Variants in KRT20 observed in about 807,000 individuals in gnomAD.
The protein encoded by KRT20 is keratin 20.
In KRT20, 41 loss-of-function variants were observed where a neutral mutation model predicts 43.0. That is an observed-to-expected ratio of 0.95 (90% CI 0.74 to 1.24). The LOEUF is 1.24. KRT20 is among the 50% of genes most tolerant of loss of function. The pLI, the probability that KRT20 is intolerant of heterozygous loss-of-function variation, is 0.00. For missense variants in KRT20, 533 were observed against 521.2 expected (o/e 1.02, Z -0.22); for synonymous variants, 207 against 200.6 (o/e 1.03, Z -0.27).
chr17:40,877,306 C>T, intron 7 of KRT20, 74 bp downstream of exon 7: 1 of 1,046,460 alleles, frequency 9.6e-7, no homozygotes, highest in Non-Finnish European at 1.4e-6. Flanking sequence ...CCTCACTTTA[C>T]TTTTTATCAG....
At chr17:40,882,447 G>C in intron 2 of KRT20, 125 bp downstream of exon 2, 1 of 377,378 alleles carries the variant, frequency 2.6e-6, no homozygotes, top group Non-Finnish European at 4.9e-6. Flanking sequence ...CCTCCTTTAG[G>C]CTTCAGGATT....
At position 40,878,150 on chromosome 17, in the gene KRT20, G is replaced by A. The variant is rs35896697; in HGVS notation, c.1134C>T (p.Asp378=). The change falls in exon 6 of 8, where the codon GAC becomes GAT. Residue 378 remains aspartate (D), a synonymous_variant. Coordinates refer to ENST00000167588, the MANE Select transcript of KRT20 (RefSeq NM_019010.3). ...CTTGATTCTAAGAGCCTTACTTTAC[G>A]TCTTCTCCTTCCAGAAGGCGGCGGT... ...ATYRRLLEGE[D]VKTTEYQLST... is the part of the protein sequence containing the mutation. 2,080 of 1,612,940 alleles carry A rather than the reference G, an allele frequency of 1.3e-3. 21 individuals carry two copies. In the African/African-American group the frequency reaches 0.024, roughly 19 times the overall value.
Position 40,884,916 on chromosome 17 carries a change from G to A in KRT20, c.270C>T (p.Thr90=), listed in dbSNP as rs1183432612. ...CAAGTTTGGAGTTGGACTGCTCCAG[G>A]GTCCGCACCTTTTCTAGGTAGCTCG... ...RLASYLEKVR[T]LEQSNSKLEV... Residue 90 remains threonine (T), a synonymous_variant, in exon 1 of 8, where the codon ACC becomes ACT. Coordinates refer to ENST00000167588, the MANE Select transcript of KRT20 (RefSeq NM_019010.3). The A allele has an allele frequency of 1.9e-6, 3 of 1,614,192 alleles. No individual in the cohort carries two copies. Among genetic ancestry groups the A allele is most frequent in the East Asian group, 4.5e-5 (2 of 44,886 alleles).
intron 1 of KRT20, 45 bp downstream of exon 1, chr17:40,884,751 C>A: frequency 6.4e-7 from 1 of 1,568,906 alleles, no homozygotes; most frequent in Admixed American, 1.8e-5. Context: ...CTTGATTTAT[C>A]TTGAAGCTAA....
At chr17:40,882,518 G>T in intron 2 of KRT20, 54 bp downstream of exon 2, 3 of 871,024 alleles carry the variant, frequency 3.4e-6, no homozygotes, top group South Asian at 3.5e-5. Flanking sequence ...TATCTGGAAG[G>T]ACTACTAAAG....
Position 40,885,021 on chromosome 17 carries a change from A to G in KRT20, c.165T>C (p.Tyr55=), listed in dbSNP as rs1907747395. 6.2e-7 allele frequency: 1 copy of G among 1,614,106 alleles called. No homozygotes were observed. The highest frequency in any genetic ancestry group is 8.5e-7 in the Non-Finnish European group (1 of 1,180,028). Residue 55 remains tyrosine, a synonymous_variant, in exon 1 of 8, where the codon TAT becomes TAC. Coordinates refer to ENST00000167588, the MANE Select transcript of KRT20 (RefSeq NM_019010.3). ...CCCCGCCGCCTGTGAGATCGCTCCCATAGTTCACCGTGTGTCTGGAGTTGG... is the reference window on the plus strand; with the variant it reads ...CCCCGCCGCCTGTGAGATCGCTCCCGTAGTTCACCGTGTGTCTGGAGTTGG... ...RISNSRHTVN[Y]GSDLTGGGDL...
In KRT20 at chr17:40,876,404, T is replaced by A; in HGVS notation, c.1232A>T (p.Lys411Met). The change falls in exon 8 of 8, where the codon AAG becomes ATG. Residue 411 changes from lysine to methionine, a missense_variant. Lys to Met is a moderately conservative substitution (Grantham distance 95, BLOSUM62 -1). Coordinates refer to ENST00000167588, the MANE Select transcript of KRT20 (RefSeq NM_019010.3). Reference sequence around the variant, plus strand: ...CTCTTTGACTTCAGATGACACGACCTTGCCATCCACTACTTCTTGCACGAC... The same window carrying A: ...CTCTTTGACTTCAGATGACACGACCATGCCATCCACTACTTCTTGCACGAC... ...KTVVQEVVDG[K>M]VVSSEVKEVE... is the part of the protein sequence containing the mutation. 6.2e-7 allele frequency: 1 copy of A among 1,613,434 alleles called. No individual in the cohort carries two copies. The highest frequency in any genetic ancestry group is 1.3e-5 in the African/African-American group (1 of 75,032).
At position 40,885,196 on chromosome 17, in the gene KRT20, A is replaced by G. The variant is rs1907764025; in HGVS notation, c.-11T>C. ...GCGACTGAAATCCATTGGAGATTCCAGGAGGGAGCACCTGTAGCTTCAGGA... is the reference window on the plus strand; with the variant it reads ...GCGACTGAAATCCATTGGAGATTCCGGGAGGGAGCACCTGTAGCTTCAGGA... On this transcript the variant is annotated 5_prime_UTR_variant, in exon 1 of 8. Coordinates refer to ENST00000167588, the MANE Select transcript of KRT20 (RefSeq NM_019010.3). 1 of 1,584,662 alleles carries G rather than the reference A, an allele frequency of 6.3e-7. No homozygotes were observed. Among genetic ancestry groups the G allele is most frequent in the South Asian group, 1.1e-5 (1 of 89,444 alleles).
intron 7 of KRT20, among the ~76,000 whole-genome samples, chr17:40,876,781 T>C (rs1333051828): frequency 6.6e-6 from 1 of 152,122 alleles, no homozygotes; most frequent in Non-Finnish European, 1.5e-5. Flanking sequence ...GCCAAGAAAA[T>C]CACCCCATTC....
In KRT20 at chr17:40,884,855, G is replaced by A. The variant is rs200267938; in HGVS notation, c.331C>T (p.Pro111Ser). The change falls in exon 1 of 8, where the codon CCG (proline) becomes TCG (serine). Residue 111 changes from proline (P) to serine (S), a missense_variant. Transcript: ENST00000167588. Reference protein sequence around the residue: ...QIKQWYETNAPRAGRDYSAYY... With the variant: ...QIKQWYETNASRAGRDYSAYY... ...GCACTGTAGTCGCGACCAGCCCTCGGGGCGTTGGTTTCGTACCACTGCTTG... is the reference window on the plus strand; with the variant it reads ...GCACTGTAGTCGCGACCAGCCCTCGAGGCGTTGGTTTCGTACCACTGCTTG... 8.7e-5 allele frequency: 141 copies of A among 1,614,144 alleles called. No individual in the cohort carries two copies. In the East Asian group the frequency reaches 2.5e-3, roughly 29 times the overall value.
chr17:40,882,628 A>G lies in KRT20; in HGVS notation c.417T>C (p.Ala139=). Residue 139 remains alanine, a synonymous_variant, in exon 2 of 8, where the codon GCT becomes GCC. Coordinates refer to ENST00000167588, the MANE Select transcript of KRT20 (RefSeq NM_019010.3). The part of the protein sequence containing the change: ...SQIKDAQLQN[A]RCVLQIDNAK... ...CATTATCAATTTGCAGGACACACCG[A>G]GCATTTTGCAGTTGAGCATCCTTAA... 1 of 1,553,258 alleles carries G rather than the reference A, an allele frequency of 6.4e-7. No homozygotes were observed. The highest frequency in any genetic ancestry group is 8.7e-7 in the Non-Finnish European group (1 of 1,146,726).
In KRT20 at chr17:40,884,937, G is replaced by A. The variant is rs886894568; in HGVS notation, c.249C>T (p.Ser83=). 5.6e-6 allele frequency: 9 copies of A among 1,614,232 alleles called. No individual in the cohort carries two copies. The East Asian group carries it at 2.0e-4, about 36-fold the overall frequency. Residue 83 remains serine (S), a synonymous_variant, in exon 1 of 8, where the codon AGC becomes AGT. Transcript: ENST00000167588. ...AMQNLNDRLA[S]YLEKVRTLEQ... is the part of the protein sequence containing the mutation. ...CCAGGGTCCGCACCTTTTCTAGGTA[G>A]CTCGCTAGACGGTCATTTAGGTTCT...
At chr17:40,876,789 T>C (rs1425117911) in intron 7 of KRT20, among the ~76,000 whole-genome samples, 1 of 152,184 alleles carries the variant, frequency 6.6e-6, no homozygotes, top group Admixed American at 6.5e-5. Flanking sequence ...AATCACCCCA[T>C]TCTGAGGAGT....
chr17:40,883,893 C>T (rs890807293), intron 1 of KRT20, among the ~76,000 whole-genome samples: 9 of 152,150 alleles, frequency 5.9e-5, no homozygotes, highest in South Asian at 4.2e-4. Context: ...CCATGGAGTC[C>T]GAATCAAATT....
chr17:40,879,803 T>C lies in KRT20; in HGVS notation c.918+10A>G. 1.9e-6 allele frequency: 3 copies of C among 1,612,802 alleles called. No homozygotes were observed. The highest frequency in any genetic ancestry group is 2.5e-6 in the Non-Finnish European group (3 of 1,179,778). ...ACTAGATTGAGAAAGAGAAGTTAGA[T>C]ATGCTTTACCATGCTGAGATGGGAC... On this transcript the variant is annotated intron_variant, in intron 5 of 7. Transcript: ENST00000167588.
intron 7 of KRT20, among the ~76,000 whole-genome samples, chr17:40,876,722 G>A (rs1194811691): frequency 6.6e-6 from 1 of 152,036 alleles, no homozygotes; most frequent in Non-Finnish European, 1.5e-5. Flanking sequence ...ATTTTGTCTT[G>A]TTTTTCCTTT....
In KRT20 at chr17:40,879,843, A is replaced by T; in HGVS notation, c.888T>A (p.Leu296=). 6.2e-7 allele frequency: 1 copy of T among 1,613,290 alleles called. No individual in the cohort carries two copies. Among genetic ancestry groups the T allele is most frequent in the Admixed American group, 1.7e-5 (1 of 59,820 alleles). ...TGAGATGGGACTGGAGTTCTATCTC[A>T]AGGCTCTGGGAGGTGCGTCTCAGCT... ...LTELRRTSQS[L]EIELQSHLSM... is the part of the protein sequence containing the mutation. The change falls in exon 5 of 8, where the codon CTT becomes CTA. Residue 296 remains leucine, a synonymous_variant. Transcript: ENST00000167588.
Position 40,884,821 on chromosome 17 carries a change from C to G in KRT20, c.365G>C (p.Arg122Thr). 1 of 1,613,382 alleles carries G rather than the reference C, an allele frequency of 6.2e-7. No individual in the cohort carries two copies. The highest frequency in any genetic ancestry group is 1.1e-5 in the South Asian group (1 of 91,014). ...CTGACTTCGCAGCTCTTCAATTTGT[C>G]TGTAATATGCACTGTAGTCGCGACC... ...RAGRDYSAYY[R>T]QIEELRSQIK... is the part of the protein sequence containing the mutation. The change falls in exon 1 of 8, where the codon AGA becomes ACA. Residue 122 changes from arginine (R) to threonine (T), a missense_variant. Coordinates refer to ENST00000167588, the MANE Select transcript of KRT20 (RefSeq NM_019010.3).
chr17:40,880,468 C>T, intron 3 of KRT20, 146 bp downstream of exon 3: 1 of 803,914 alleles, frequency 1.2e-6, no homozygotes, highest in Non-Finnish European at 1.9e-6. Context: ...GAAGGTAGGG[C>T]TTGTATCATT....
Sources: gnomAD v4.1 joint callset for allele counts (sites outside exome capture counted in the v4.1 genomes callset) on GRCh38, gnomAD v4.1.1 for gene constraint, MANE v1.5 for transcripts, NCBI Gene and HGNC (gene_info 2026-07-23, HGNC 2026-07-21) for gene names.